ADD3: variants seen among roughly 807,000 people sequenced by gnomAD.
ADD3 encodes the protein gamma-adducin.
In ADD3, 25 loss-of-function variants were observed where a neutral mutation model predicts 80.2. The observed-to-expected ratio is 0.31, with a 90% confidence interval of 0.23 to 0.44. ADD3 has a LOEUF of 0.44. Ranked by LOEUF, ADD3 falls within the 20% of genes least tolerant of loss-of-function variation. The pLI, the probability that ADD3 is intolerant of heterozygous loss-of-function variation, is 1.00. For missense variants in ADD3, 829 were observed against 847.5 expected (o/e 0.98, Z 0.27); for synonymous variants, 284 against 289.6 (o/e 0.98, Z 0.20).
intron 14 of ADD3, among the ~76,000 whole-genome samples, chr10:110,133,010 A>C (rs1007499507): frequency 6.6e-6 from 1 of 152,132 alleles, no homozygotes; most frequent in East Asian, 1.9e-4. Context: ...TTGATTGCCA[A>C]ATGATCCCAA....
intron 1 of ADD3, among the ~76,000 whole-genome samples, chr10:110,059,375 C>T (rs866612010): frequency 5.3e-5 from 8 of 149,874 alleles, no homozygotes; most frequent in Middle Eastern, 3.7e-3. Flanking sequence ...AGGAGGCTGA[C>T]GCAGGAGAAT....
chr10:110,122,984 T>C (rs1010150971), intron 9 of ADD3, among the ~76,000 whole-genome samples: 2 of 152,152 alleles, frequency 1.3e-5, no homozygotes, highest in Non-Finnish European at 2.9e-5. Context: ...GTATTTGTCT[T>C]TCTGTGCCTG....
chr10:110,031,660 C>G (rs1855037756), intron 1 of ADD3, among the ~76,000 whole-genome samples: 1 of 151,650 alleles, frequency 6.6e-6, no homozygotes, highest in African/African-American at 2.4e-5. Context: ...TTTCCTTTGT[C>G]TTGGTGGATG....
At chr10:110,086,143 A>T (rs1226378272) in intron 1 of ADD3, among the ~76,000 whole-genome samples, 1 of 149,878 alleles carries the variant, frequency 6.7e-6, no homozygotes, top group Non-Finnish European at 1.5e-5. Flanking sequence ...TGGGCGCAGT[A>T]TCTCACGCCT....
chr10:110,076,271 A>G (rs796582593), intron 1 of ADD3, among the ~76,000 whole-genome samples: 2 of 152,306 alleles, frequency 1.3e-5, no homozygotes, highest in African/African-American at 4.8e-5. Flanking sequence ...AATAGTTTCA[A>G]TAACTGATAA....
intron 1 of ADD3, among the ~76,000 whole-genome samples, chr10:110,076,193 T>C (rs1418551664): frequency 6.6e-6 from 1 of 152,210 alleles, no homozygotes; most frequent in East Asian, 1.9e-4. Context: ...CTTGGTTGTG[T>C]TTCTGAATAT....
intron 1 of ADD3, among the ~76,000 whole-genome samples, chr10:110,078,761 G>C (rs189557670): frequency 4.6e-5 from 7 of 152,194 alleles, no homozygotes; most frequent in Admixed American, 4.6e-4. Context: ...GCTATTTTCT[G>C]TTATGTTTCA....
At chr10:110,118,202 G>A (rs978016272) in intron 5 of ADD3, among the ~76,000 whole-genome samples, 1 of 152,104 alleles carries the variant, frequency 6.6e-6, no homozygotes, top group African/African-American at 2.4e-5. Context: ...AGCTACCTTG[G>A]TTCTGGGTGC....
chr10:110,104,922 C>T (rs1849245052), intron 2 of ADD3, among the ~76,000 whole-genome samples: 1 of 152,122 alleles, frequency 6.6e-6, no homozygotes, highest in South Asian at 2.1e-4. Flanking sequence ...TAGGCTGTAC[C>T]ACTTACAGCA....
At chr10:110,012,814 G>A (rs1852485089) in intron 1 of ADD3, among the ~76,000 whole-genome samples, 1 of 151,630 alleles carries the variant, frequency 6.6e-6, no homozygotes, top group Non-Finnish European at 1.5e-5. Context: ...GCCCAGGCTG[G>A]TCTCGAACTC....
At chr10:110,031,697 A>G (rs1042335618) in intron 1 of ADD3, among the ~76,000 whole-genome samples, 3 of 150,062 alleles carry the variant, frequency 2.0e-5, no homozygotes, top group East Asian at 2.0e-4. Flanking sequence ...CTCCTACCCT[A>G]TCTGGTACCT....
intron 1 of ADD3, among the ~76,000 whole-genome samples, chr10:110,041,672 G>A (rs1335582926): frequency 6.6e-6 from 1 of 152,146 alleles, no homozygotes; most frequent in Non-Finnish European, 1.5e-5. Flanking sequence ...TACAAGAAAT[G>A]CAAGATTGTG....
In ADD3 at chr10:110,122,237, A is replaced by T; in HGVS notation, c.1088A>T (p.Lys363Ile). Residue 363 changes from lysine (K) to isoleucine (I), a missense_variant, in exon 9 of 15, where the codon AAA (lysine) becomes ATA (isoleucine). By Grantham distance (102) the Lys-to-Ile change is moderately radical. Transcript: ENST00000356080. The part of the protein sequence containing the change: ...GGGVNMGSHQ[K>I]WKVGEIEFEG... ...GGTGTGAATATGGGTTCCCATCAAAAATGGAAGGTTGGCGAAATTGAGTTT... is the reference window on the plus strand; with the variant it reads ...GGTGTGAATATGGGTTCCCATCAAATATGGAAGGTTGGCGAAATTGAGTTT... The T allele has an allele frequency of 6.2e-7, 1 of 1,614,080 alleles. No homozygotes were observed. The highest frequency in any genetic ancestry group is 8.5e-7 in the Non-Finnish European group (1 of 1,179,984).
intron 1 of ADD3, among the ~76,000 whole-genome samples, chr10:110,044,376 A>G (rs1238146114): frequency 6.6e-6 from 1 of 152,174 alleles, no homozygotes; most frequent in East Asian, 1.9e-4. Flanking sequence ...AGAATCATAT[A>G]TTTTTATCTT....
rs368066210 is a variant in ADD3, at chr10:110,100,661, C to T, written c.8C>T (p.Ser3Leu). The T allele has an allele frequency of 1.5e-4, 239 of 1,607,232 alleles. No individual in the cohort carries two copies. The highest frequency in any genetic ancestry group is 2.0e-4 in the Non-Finnish European group (234 of 1,177,194). MS[S>L]DASQGVITTP... Reference sequence around the variant, plus strand: ...AATCCACAGACTTAAAACATGAGCTCAGATGCCAGCCAAGGCGTGATTACC... The same window carrying T: ...AATCCACAGACTTAAAACATGAGCTTAGATGCCAGCCAAGGCGTGATTACC... Residue 3 changes from serine to leucine, a missense_variant, in exon 2 of 15, where the codon TCA becomes TTA. Transcript: ENST00000356080.
intron 11 of ADD3, 39 bp downstream of exon 11, chr10:110,125,984 A>T: frequency 6.4e-7 from 1 of 1,564,242 alleles, no homozygotes; most frequent in Non-Finnish European, 8.7e-7. Context: ...AGACATTTTA[A>T]TTGCTTTATG....
chr10:110,122,912 G>A (rs1044197272), intron 9 of ADD3, among the ~76,000 whole-genome samples: 7 of 151,932 alleles, frequency 4.6e-5, no homozygotes, highest in South Asian at 2.1e-4. Context: ...GATTACTGGC[G>A]TGAGCTGCCA....
At chr10:110,050,621 T>G (rs1857413330) in intron 1 of ADD3, among the ~76,000 whole-genome samples, 1 of 150,856 alleles carries the variant, frequency 6.6e-6, no homozygotes, top group South Asian at 2.1e-4. Flanking sequence ...CAAGCGATTC[T>G]CCTGCCTCAG....
chr10:110,082,719 C>T (rs774995676), intron 1 of ADD3, among the ~76,000 whole-genome samples: 24 of 152,094 alleles, frequency 1.6e-4, no homozygotes, highest in Non-Finnish European at 2.6e-4. Flanking sequence ...CAAAACATGG[C>T]GGTAAATATA....
Sources: allele counts gnomAD v4.1 joint callset (sites outside exome capture counted in the v4.1 genomes callset), GRCh38; gene constraint gnomAD v4.1.1; transcripts MANE v1.5; gene names NCBI Gene and HGNC (gene_info 2026-07-23, HGNC 2026-07-21).